Variants in ZNF609 observed in about 807,000 individuals in gnomAD.
ZNF609 encodes zinc finger protein 609.
A neutral mutation model predicts 109.5 loss-of-function variants in ZNF609; 11 were observed. The ratio of observed to expected loss-of-function variants is 0.10; its 90% CI spans 0.06 to 0.17. The LOEUF (loss-of-function observed/expected upper bound fraction) is 0.17. Ranked by LOEUF, ZNF609 falls within the 10% of genes least tolerant of loss-of-function variation. The probability of loss-of-function intolerance (pLI) is 1.00; values close to 1 mark genes in which losing one functional copy is unlikely to be tolerated. For missense variants in ZNF609, 1,559 were observed against 1,772.4 expected (o/e 0.88, Z 2.16); for synonymous variants, 646 against 662.0 (o/e 0.98, Z 0.37).
At chr15:64,620,562 G>T (rs1895860666) in intron 2 of ZNF609, among the ~76,000 whole-genome samples, 1 of 152,154 alleles carries the variant, frequency 6.6e-6, no homozygotes, top group African/African-American at 2.4e-5. Context: ...ATGCCTTTTG[G>T]CATTTATCAT....
intron 2 of ZNF609, among the ~76,000 whole-genome samples, chr15:64,552,231 T>G (rs542831963): frequency 6.6e-6 from 1 of 152,282 alleles, no homozygotes; most frequent in African/African-American, 2.4e-5. Context: ...TCTAAAATCT[T>G]TGTCTAACCT....
intron 3 of ZNF609, among the ~76,000 whole-genome samples, chr15:64,666,119 T>C (rs1030617138): frequency 6.7e-6 from 1 of 149,546 alleles, no homozygotes; most frequent in African/African-American, 2.4e-5. Flanking sequence ...ATAAAAGTGA[T>C]TGGCCTAGTG....
At chr15:64,542,121 TCA>T (rs532238775) in intron 2 of ZNF609, among the ~76,000 whole-genome samples, 65 of 150,936 alleles carry the variant, frequency 4.3e-4, no homozygotes, top group Admixed American at 7.3e-4. Flanking sequence ...CCCATCTCTC[TCA>T]CACACACACA....
At chr15:64,513,715 G>T (rs1825755375) in intron 2 of ZNF609, among the ~76,000 whole-genome samples, 1 of 152,140 alleles carries the variant, frequency 6.6e-6, no homozygotes, top group Non-Finnish European at 1.5e-5. Context: ...TGAAAAATAT[G>T]TATTTGTAAA....
At chr15:64,476,991 C>T (rs1260826595) in intron 1 of ZNF609, among the ~76,000 whole-genome samples, 3 of 152,088 alleles carry the variant, frequency 2.0e-5, no homozygotes, top group Non-Finnish European at 4.4e-5. Flanking sequence ...CTTTGACTTC[C>T]TCTCAACACA....
At chr15:64,555,421 T>C (rs2140397488) in intron 2 of ZNF609, among the ~76,000 whole-genome samples, 1 of 152,158 alleles carries the variant, frequency 6.6e-6, no homozygotes, top group Non-Finnish European at 1.5e-5. Flanking sequence ...TCCCAGCACT[T>C]TGGAGGCCAA....
chr15:64,669,086 G>A (rs1277575577), intron 3 of ZNF609, among the ~76,000 whole-genome samples: 1 of 151,934 alleles, frequency 6.6e-6, no homozygotes, highest in South Asian at 2.1e-4. Flanking sequence ...AGGGCAAGAG[G>A]TATTCATGGG....
At position 64,577,196 on chromosome 15, in the gene ZNF609, CACAA is replaced by C. The variant is rs1350711590; in HGVS notation, c.748-45629_748-45626del. ...ATATACATATATGTGTATATATACACACAAATACATATATATGTATATATATACA... is the reference window on the plus strand; with the variant it reads ...ATATACATATATGTGTATATATACACATACATATATATGTATATATATACA... On this transcript the variant is annotated intron_variant, in intron 2 of 9. Coordinates refer to ENST00000326648, the MANE Select transcript of ZNF609 (RefSeq NM_015042.2). Among the ~76,000 whole-genome samples the C allele has an allele frequency of 5.1e-4, 60 of 118,352 alleles. 15 individuals are homozygous for C. Among genetic ancestry groups the C allele is most frequent in the Middle Eastern group, 7.8e-3 (1 of 128 alleles). 77.6% of individuals were successfully genotyped at this position (118,352 alleles called of 152,430 possible). A position where few individuals can be genotyped will look rare whatever the true frequency, so the allele number is the denominator to read the frequency against.
chr15:64,461,758 G>A (rs1022161394), intron 1 of ZNF609, among the ~76,000 whole-genome samples: 13 of 152,162 alleles, frequency 8.5e-5, no homozygotes, highest in Admixed American at 8.5e-4. Flanking sequence ...GAAAGATAGG[G>A]AAGAAAGCCT....
Position 64,622,916 on chromosome 15 carries a change from G to A in ZNF609, c.837G>A (p.Gln279=). 6.2e-7 allele frequency: 1 copy of A among 1,614,212 alleles called. No homozygotes were observed. The highest frequency in any genetic ancestry group is 8.5e-7 in the Non-Finnish European group (1 of 1,180,006). The change falls in exon 3 of 10, where the codon CAG becomes CAA. Residue 279 remains glutamine, a synonymous_variant. Coordinates refer to ENST00000326648, the MANE Select transcript of ZNF609 (RefSeq NM_015042.2). ...ATGACATCTCATCTCCCTGTGAGCA[G>A]ATCATGGTTCGTACCCGATCAGTTG... is the stretch of plus-strand genomic sequence containing the variant. ...VNNDISSPCE[Q]IMVRTRSVGV... is the part of the protein sequence containing the mutation.
chr15:64,606,740 C>T (rs1895608839), intron 2 of ZNF609, among the ~76,000 whole-genome samples: 1 of 152,004 alleles, frequency 6.6e-6, no homozygotes, highest in African/African-American at 2.4e-5. Context: ...AAAACGGTTA[C>T]ATCAGTAATA....
intron 2 of ZNF609, among the ~76,000 whole-genome samples, chr15:64,622,052 A>G (rs1895884785): frequency 6.6e-6 from 1 of 152,114 alleles, no homozygotes; most frequent in African/African-American, 2.4e-5. Context: ...ATCTATGTGT[A>G]CATAATCAAC....
chr15:64,467,045 A>G (rs1893025254), intron 1 of ZNF609, among the ~76,000 whole-genome samples: 1 of 152,220 alleles, frequency 6.6e-6, no homozygotes, highest in African/African-American at 2.4e-5. Context: ...CAGATCCAAC[A>G]GGGCTAATTT....
chr15:64,474,153 C>T (rs1893132895), intron 1 of ZNF609, among the ~76,000 whole-genome samples: 1 of 152,112 alleles, frequency 6.6e-6, no homozygotes. Flanking sequence ...GGTGATCCTC[C>T]CGCCTCGGCC....
intron 2 of ZNF609, among the ~76,000 whole-genome samples, chr15:64,604,534 ACTCTTGCCTTTGGT>A (rs1895562558): frequency 2.0e-5 from 3 of 152,148 alleles, no homozygotes. Context: ...ATACCACAGG[ACTCTTGCCTTTGGT>A]CCATTCTTGT....
intron 2 of ZNF609, among the ~76,000 whole-genome samples, chr15:64,608,125 G>A (rs147328639): frequency 1.3e-5 from 2 of 151,816 alleles, no homozygotes; most frequent in South Asian, 2.1e-4. Context: ...TCGAACTCCT[G>A]ACCTCAGGCA....
At chr15:64,623,707 C>T (rs749022227) in intron 3 of ZNF609, among the ~76,000 whole-genome samples, 9 of 152,220 alleles carry the variant, frequency 5.9e-5, no homozygotes, top group South Asian at 2.1e-4. Flanking sequence ...CCCCTGAGAA[C>T]GGAATCTATT....
In ZNF609 at chr15:64,681,259, A is replaced by G. The variant is rs547962879; in HGVS notation, c.4163-50A>G. ...CCCCAAAACTCAGGGAAAAAGATTA[A>G]TGGAAGGTTTCTGTGAGTGCTACAC... On this transcript the variant is annotated intron_variant, in intron 8 of 9. Coordinates refer to ENST00000326648, the MANE Select transcript of ZNF609 (RefSeq NM_015042.2). 1.9e-6 allele frequency: 3 copies of G among 1,549,422 alleles called. No homozygotes were observed. The South Asian group carries it at 3.4e-5, about 17-fold the overall frequency.
At position 64,577,090 on chromosome 15, in the gene ZNF609, ATG is replaced by A. The variant is rs372480079; in HGVS notation, c.748-45735_748-45734del. Among the ~76,000 whole-genome samples the A allele has an allele frequency of 1.0e-3, 36 of 35,050 alleles. 1 individual carries two copies. Among genetic ancestry groups the A allele is most frequent in the South Asian group, 8.0e-3 (13 of 1,632 alleles). 23.0% of individuals were successfully genotyped at this position (35,050 alleles called of 152,430 possible). A position where few individuals can be genotyped will look rare whatever the true frequency, so the allele number is the denominator to read the frequency against. On this transcript the variant is annotated intron_variant, in intron 2 of 9. Coordinates refer to ENST00000326648, the MANE Select transcript of ZNF609 (RefSeq NM_015042.2). Reference sequence around the variant, plus strand: ...TATATATACACAAATATATACATATATGTATATATACACACAAATATATACAT... The same window carrying A: ...TATATATACACAAATATATACATATATATATATACACACAAATATATACAT...
Sources: allele counts gnomAD v4.1 joint callset (sites outside exome capture counted in the v4.1 genomes callset), GRCh38; gene constraint gnomAD v4.1.1; transcripts MANE v1.5; gene names NCBI Gene and HGNC (gene_info 2026-07-23, HGNC 2026-07-21).